LIG3: variants seen among roughly 807,000 people sequenced by gnomAD.
The protein encoded by LIG3 is ligase II, DNA, ATP-dependent.
Under a neutral mutation model 110.9 loss-of-function variants are expected in LIG3, and 58 were observed. That is an observed-to-expected ratio of 0.52 (90% CI 0.42 to 0.65). The LOEUF is 0.65. Ranked by LOEUF, LIG3 falls within the 30% of genes least tolerant of loss-of-function variation. The pLI is 0.00. For synonymous variants in LIG3, 422 were observed against 472.8 expected (o/e 0.89, Z 1.39); for missense variants, 1,094 against 1,273.8 (o/e 0.86, Z 2.15).
At chr17:34,986,390 C>T (rs368545455) in intron 3 of LIG3, among the ~76,000 whole-genome samples, 7 of 152,110 alleles carry the variant, frequency 4.6e-5, no homozygotes, top group African/African-American at 1.7e-4. Context: ...GGTGCATTCT[C>T]AGCTCACTGC....
chr17:35,001,893 T>G lies in LIG3; in HGVS notation c.2479-16T>G, dbSNP rs954920192. 1 of 1,602,160 alleles carries G rather than the reference T, an allele frequency of 6.2e-7. No homozygotes were observed. Among genetic ancestry groups the G allele is most frequent in the African/African-American group, 1.3e-5 (1 of 74,202 alleles). On this transcript the variant is annotated splice_polypyrimidine_tract_variant and intron_variant, in intron 17 of 19. Transcript: ENST00000378526. ...AAGGCAATGAAACCCTCTGACATTG[T>G]CCCTCCCCGCCTCAGGAACTGTACC...
chr17:34,997,532 C>G (rs1307713782), intron 11 of LIG3: 1 of 559,190 alleles, frequency 1.8e-6, no homozygotes, highest in Non-Finnish European at 3.2e-6. Context: ...TGAACTGGCT[C>G]TATGCCACAG....
chr17:34,996,350 G>T, intron 10 of LIG3, 155 bp downstream of exon 10: 1 of 994,954 alleles, frequency 1.0e-6, no homozygotes, highest in Non-Finnish European at 1.4e-6. Context: ...TTTGTCTTTT[G>T]TTTTTCTCCT....
In LIG3 at chr17:34,991,407, C is replaced by CT. The variant is rs1178071532; in HGVS notation, c.1042-257dup. ...TCTCCTGGGGCTTTTATTCTGGACT[C>CT]TTTTTTTCTTGCTTGTTTTCTCCTA... On this transcript the variant is annotated intron_variant, in intron 5 of 19. Coordinates refer to ENST00000378526, the MANE Select transcript of LIG3 (RefSeq NM_013975.4). 12 of 570,462 alleles carry CT rather than the reference C, an allele frequency of 2.1e-5. No homozygotes were observed. The Admixed American group carries it at 2.4e-4, about 12-fold the overall frequency. The allele number at this position is 570,462 out of a possible 1,614,324, so 35.3% of individuals were successfully genotyped here. A position where few individuals can be genotyped will look rare whatever the true frequency, so the allele number is the denominator to read the frequency against.
chr17:34,991,268 A>G (rs1467991892), intron 5 of LIG3, 154 bp downstream of exon 5: 2 of 678,046 alleles, frequency 2.9e-6, no homozygotes, highest in Non-Finnish European at 4.9e-6. Context: ...GGGGAGCTGA[A>G]TGTGAGGCTA....
At chr17:34,987,593 G>A (rs2090669998) in intron 3 of LIG3, among the ~76,000 whole-genome samples, 1 of 152,202 alleles carries the variant, frequency 6.6e-6, no homozygotes, top group Non-Finnish European at 1.5e-5. Context: ...AAGAAGCCTA[G>A]ACCTGAGGTC....
chr17:35,002,090 C>T lies in LIG3; in HGVS notation c.2660C>T (p.Ser887Phe), dbSNP rs35501315. The stretch of plus-strand genomic sequence containing the variant: ...AAAGCAGAAGGGAAGCTGAGTAACT[C>T]CAACAGCAAAGATGGTAAGGATAGG... ...TKKAEGKLSN[S>F]NSKDGNMQTA... Residue 887 changes from serine to phenylalanine, a missense_variant, in exon 18 of 20, where the codon TCC becomes TTC. Ser to Phe is a radical substitution (Grantham distance 155, BLOSUM62 -2). Coordinates refer to ENST00000378526, the MANE Select transcript of LIG3 (RefSeq NM_013975.4). The T allele has an allele frequency of 1.0e-3, 1,603 of 1,585,308 alleles. 1 individual carries two copies. The highest frequency in any genetic ancestry group is 1.2e-3 in the Non-Finnish European group (1,454 of 1,166,630).
At position 35,002,734 on chromosome 17, in the gene LIG3, C is replaced by T; in HGVS notation, c.2741C>T (p.Pro914Leu). 6.2e-7 allele frequency: 1 copy of T among 1,612,942 alleles called. No homozygotes were observed. ...VGEKLATKSS[P>L]VKVGEKRKAA... ...GAGAAGCTGGCCACAAAGTCTTCTC[C>T]AGTGAAAGTAGGGGAGAAGCGGAAA... Residue 914 changes from proline to leucine, a missense_variant, in exon 19 of 20, where the codon CCA becomes CTA. Transcript: ENST00000378526.
Position 34,992,038 on chromosome 17 carries a change from A to G in LIG3, c.1286+3A>G. Reference sequence around the variant, plus strand: ...ATGAACTCAGGTGCAAAACATGTGTAAGTAGCAGCTCCGCTGACAGCCTGA... The same window carrying G: ...ATGAACTCAGGTGCAAAACATGTGTGAGTAGCAGCTCCGCTGACAGCCTGA... On this transcript the variant is annotated splice_donor_region_variant and intron_variant, in intron 7 of 19. Coordinates refer to ENST00000378526, the MANE Select transcript of LIG3 (RefSeq NM_013975.4). 3 of 1,613,276 alleles carry G rather than the reference A, an allele frequency of 1.9e-6. No homozygotes were observed. Among genetic ancestry groups the G allele is most frequent in the Non-Finnish European group, 2.5e-6 (3 of 1,179,174 alleles).
At chr17:35,003,328 T>C in intron 19 of LIG3, 1 of 498,714 alleles carries the variant, frequency 2.0e-6, no homozygotes, top group Non-Finnish European at 3.4e-6. Context: ...GAGATAAGTC[T>C]CGCTCTGTTG....
intron 2 of LIG3, 29 bp from the exon 3 acceptor site, chr17:34,985,959 A>G: frequency 6.2e-7 from 1 of 1,606,300 alleles, no homozygotes; most frequent in Non-Finnish European, 8.5e-7. Flanking sequence ...TCACTGAAGG[A>G]TATTTTATAC....
At position 35,009,730 on chromosome 17, in the gene LIG3, A is replaced by G. The variant is rs1251521597; in HGVS notation, c.*5224A>G. On this transcript the variant is annotated 3_prime_UTR_variant, in exon 20 of 20. Coordinates refer to ENST00000378526, the MANE Select transcript of LIG3 (RefSeq NM_013975.4). ...GAGGTTACTAACCAGCTATCAGTAT[A>G]TTATTTTCGATTTGTGTCTAGGAGG... 1 of 152,322 alleles carries G rather than the reference A, an allele frequency of 6.6e-6. No homozygotes were observed. The highest frequency in any genetic ancestry group is 1.5e-5 in the Non-Finnish European group (1 of 68,036). 9.4% of individuals were successfully genotyped at this position (152,322 alleles called of 1,614,324 possible).
Position 34,980,525 on chromosome 17 carries a change from G to A in LIG3, c.-102G>A, listed in dbSNP as rs2090568383. The A allele has an allele frequency of 2.3e-6, 3 of 1,282,964 alleles. No individual in the cohort carries two copies. Among genetic ancestry groups the A allele is most frequent in the Non-Finnish European group, 3.0e-6 (3 of 984,408 alleles). 79.5% of individuals were successfully genotyped at this position (1,282,964 alleles called of 1,614,324 possible). The stretch of plus-strand genomic sequence containing the variant: ...GCGCTGCCTCCCGCTCTAGGACCCG[G>A]ATTTAAAGAGACAGGCGCTCCAACC... On this transcript the variant is annotated 5_prime_UTR_variant, in exon 1 of 20. Transcript: ENST00000378526.
In LIG3 at chr17:34,995,643, A is replaced by G. The variant is rs982875732; in HGVS notation, c.1612-421A>G. ...CAAGTTTCCTTGCTGCACCTGAGGG[A>G]GTTCATTTCTACCTTTCTGGTTTCA... On this transcript the variant is annotated intron_variant, in intron 9 of 19. Coordinates refer to ENST00000378526, the MANE Select transcript of LIG3 (RefSeq NM_013975.4). Among the ~76,000 whole-genome samples the G allele has an allele frequency of 5.3e-5, 8 of 151,948 alleles. No individual in the cohort carries two copies. The East Asian group carries it at 1.5e-3, about 29-fold the overall frequency.
chr17:34,994,540 GTTTT>G, intron 9 of LIG3, 109 bp downstream of exon 9: 1 of 1,122,530 alleles, frequency 8.9e-7, no homozygotes, highest in Middle Eastern at 2.1e-4. Flanking sequence ...ATAAGGGTTT[GTTTT>G]TTATTTGTTG....
rs779414317 is a variant in LIG3 at position 34,983,320 on chromosome 17, C to CA, written c.321dup (p.Cys108MetfsTer26). The CA allele has an allele frequency of 6.2e-7, 1 of 1,614,096 alleles. No individual in the cohort carries two copies. The highest frequency in any genetic ancestry group is 8.5e-7 in the Non-Finnish European group (1 of 1,180,000). ...ATGCCAAGCGTGGCACAGCTGGCTGCAAAAAATGCAAGGAAAAGATTGTGA... is the reference window on the plus strand; with the variant it reads ...ATGCCAAGCGTGGCACAGCTGGCTGCAAAAAAATGCAAGGAAAAGATTGTGA... On this transcript the variant is annotated frameshift_variant, in exon 2 of 20. Coordinates refer to ENST00000378526, the MANE Select transcript of LIG3 (RefSeq NM_013975.4). LOFTEE classifies it high-confidence loss of function.
rs887790488 is a variant in LIG3 at position 35,000,906 on chromosome 17, G to A, written c.2332-351G>A. ...TGGGATTACAGATGCAAGCCACCGCGCCTGGCCAATACTTGCTTCTCCCTT... is the reference window on the plus strand; with the variant it reads ...TGGGATTACAGATGCAAGCCACCGCACCTGGCCAATACTTGCTTCTCCCTT... On this transcript the variant is annotated intron_variant, in intron 16 of 19. Transcript: ENST00000378526. Among the ~76,000 whole-genome samples the A allele has an allele frequency of 1.1e-4, 17 of 150,984 alleles. 1 individual carries two copies. The highest frequency in any genetic ancestry group is 4.2e-4 in the South Asian group (2 of 4,770).
At chr17:34,988,190 CAAAAA>C (rs555462146) in intron 3 of LIG3, among the ~76,000 whole-genome samples, 8 of 45,710 alleles carry the variant, frequency 1.8e-4, no homozygotes, top group African/African-American at 5.2e-4. Flanking sequence ...GACTCTGTCT[CAAAAA>C]AAAAAAAAAA....
In LIG3 at chr17:35,001,973, C is replaced by G; in HGVS notation, c.2543C>G (p.Ser848Cys). The G allele has an allele frequency of 6.2e-7, 1 of 1,612,966 alleles. No individual in the cohort carries two copies. The highest frequency in any genetic ancestry group is 8.5e-7 in the Non-Finnish European group (1 of 1,179,544). ...GTAGTGGCTGGAGATGAGGGGAGCT[C>G]CACTACAGGGGGTAGCAGTGAAGAG... ...FTVVAGDEGS[S>C]TTGGSSEENK... The change falls in exon 18 of 20, where the codon TCC (serine) becomes TGC (cysteine). Residue 848 changes from serine to cysteine, a missense_variant. Coordinates refer to ENST00000378526, the MANE Select transcript of LIG3 (RefSeq NM_013975.4).
Sources: allele counts gnomAD v4.1 joint callset (sites outside exome capture counted in the v4.1 genomes callset), GRCh38; gene constraint gnomAD v4.1.1; transcripts MANE v1.5; gene names NCBI Gene and HGNC (gene_info 2026-07-23, HGNC 2026-07-21).